Variants in TMC7 observed in about 807,000 individuals in gnomAD.
TMC7 encodes the protein transmembrane channel-like protein 7.
In TMC7, 54 loss-of-function variants were observed where a neutral mutation model predicts 82.9. That is an observed-to-expected ratio of 0.65 (90% CI 0.52 to 0.82). The LOEUF (loss-of-function observed/expected upper bound fraction) is 0.82. Among genes scored for constraint, TMC7 ranks in the 40% least tolerant of loss-of-function variants. The probability of loss-of-function intolerance (pLI) is 0.00; values close to 1 mark genes in which losing one functional copy is unlikely to be tolerated. For missense variants in TMC7, 820 were observed against 901.2 expected (o/e 0.91, Z 1.15); for synonymous variants, 350 against 337.9 (o/e 1.04, Z -0.39).
At position 19,037,942 on chromosome 16, in the gene TMC7, T is replaced by G; in HGVS notation, c.1074T>G (p.Ile358Met). Residue 358 changes from isoleucine (I) to methionine (M), a missense_variant, in exon 8 of 16, where the codon ATT (isoleucine) becomes ATG (methionine). This residue lies in a region of TMC7 where 650 missense variants were observed against 669.9 expected (regional missense o/e 0.97). Coordinates refer to ENST00000304381, the MANE Select transcript of TMC7 (RefSeq NM_024847.4). Reference sequence around the variant, plus strand: ...GGACCTCAGAAGAAACAATACGCATTTACTCTTTGAGACTGTTTTTGAACT... The same window carrying G: ...GGACCTCAGAAGAAACAATACGCATGTACTCTTTGAGACTGTTTTTGAACT... ...AERTSEETIR[I>M]YSLRLFLNCI... 1 of 1,614,168 alleles carries G rather than the reference T, an allele frequency of 6.2e-7. No individual in the cohort carries two copies. Among genetic ancestry groups the G allele is most frequent in the Non-Finnish European group, 8.5e-7 (1 of 1,180,030 alleles).
chr16:19,018,245 C>T (rs1959798418), intron 3 of TMC7, among the ~76,000 whole-genome samples: 1 of 152,202 alleles, frequency 6.6e-6, no homozygotes, highest in Non-Finnish European at 1.5e-5. Context: ...ATACTGTGAA[C>T]CCCTACTTTC....
At chr16:19,014,611 T>A (rs1412064621) in intron 2 of TMC7, among the ~76,000 whole-genome samples, 2 of 152,202 alleles carry the variant, frequency 1.3e-5, no homozygotes, top group African/African-American at 4.8e-5. Context: ...CAGCACCTTC[T>A]CTTTCCCCTG....
intron 1 of TMC7, 169 bp downstream of exon 1, chr16:18,984,299 G>C (rs996346438): frequency 4.6e-5 from 61 of 1,322,902 alleles, no homozygotes; most frequent in Admixed American, 3.3e-4. Flanking sequence ...CCTTATTCCT[G>C]CTCCCTCCAC....
At chr16:19,061,693 G>C (rs1001716968) in intron 15 of TMC7, 85 bp from the exon 16 acceptor site, 1 of 1,179,310 alleles carries the variant, frequency 8.5e-7, no homozygotes, top group Admixed American at 2.1e-5. Flanking sequence ...CCAGTGGTTA[G>C]AATCCTCAGC....
chr16:19,020,661 A>C (rs1959922515), intron 3 of TMC7, among the ~76,000 whole-genome samples: 1 of 151,978 alleles, frequency 6.6e-6, no homozygotes, highest in African/African-American at 2.4e-5. Context: ...TGAGGTCAGG[A>C]GTTCGAGACC....
intron 6 of TMC7, among the ~76,000 whole-genome samples, chr16:19,031,049 C>G (rs1477574764): frequency 6.6e-6 from 1 of 152,138 alleles, no homozygotes; most frequent in East Asian, 1.9e-4. Flanking sequence ...GGAGGAAACT[C>G]AAATTACAGG....
At chr16:19,024,800 A>C (rs190023715) in intron 5 of TMC7, among the ~76,000 whole-genome samples, 1 of 152,046 alleles carries the variant, frequency 6.6e-6, no homozygotes, top group Admixed American at 6.5e-5. Flanking sequence ...AGGTCAGAAG[A>C]TCGAGACCAT....
At chr16:19,036,246 A>T (rs536060136) in intron 7 of TMC7, among the ~76,000 whole-genome samples, 1 of 152,350 alleles carries the variant, frequency 6.6e-6, no homozygotes, top group South Asian at 2.1e-4. Flanking sequence ...GTGGTGGCTT[A>T]TGCCTGTAAT....
chr16:19,030,222 AG>A lies in TMC7; in HGVS notation c.713del. On this transcript the variant is annotated splice_acceptor_variant, in intron 5 of 15. Coordinates refer to ENST00000304381, the MANE Select transcript of TMC7 (RefSeq NM_024847.4). LOFTEE classifies it high-confidence loss of function. ...GACTTCATGCTCTTGGCTTCGTTTCAGGGTTTCCTGGAGGAAACTAGCCTCT... is the reference window on the plus strand; with the variant it reads ...GACTTCATGCTCTTGGCTTCGTTTCAGGTTTCCTGGAGGAAACTAGCCTCT... The A allele has an allele frequency of 6.2e-7, 1 of 1,609,514 alleles. No homozygotes were observed. Among genetic ancestry groups the A allele is most frequent in the Non-Finnish European group, 8.5e-7 (1 of 1,178,552 alleles).
rs369414340 is a variant in TMC7 at position 19,030,333 on chromosome 16, C to G, written c.821C>G (p.Ala274Gly). 1.2e-6 allele frequency: 2 copies of G among 1,612,778 alleles called. No individual in the cohort carries two copies. The highest frequency in any genetic ancestry group is 1.7e-6 in the Non-Finnish European group (2 of 1,179,660). ...CTGGCGTATTTGTTAAGCACAATCG[C>G]CTCCCTGGCCCTGAGCCTTCTTTGG... ...LPLAYLLSTI[A>G]SLALSLLWIV... Residue 274 changes from alanine to glycine, a missense_variant, in exon 6 of 16, where the codon GCC (alanine) becomes GGC (glycine). Ala to Gly is a moderately conservative substitution (Grantham distance 60, BLOSUM62 0). Transcript: ENST00000304381.
chr16:19,020,993 A>G (rs899767860), intron 3 of TMC7, among the ~76,000 whole-genome samples: 1 of 152,138 alleles, frequency 6.6e-6, no homozygotes, highest in East Asian at 1.9e-4. Context: ...ACCTAAATAT[A>G]CCATGTTGAT....
intron 5 of TMC7, among the ~76,000 whole-genome samples, chr16:19,023,864 C>T (rs1247938044): frequency 1.3e-5 from 2 of 152,146 alleles, no homozygotes; most frequent in Admixed American, 6.5e-5. Flanking sequence ...ACCGATAAAC[C>T]CCAACATTTT....
At chr16:19,045,829 C>T (rs1237213861) in intron 11 of TMC7, among the ~76,000 whole-genome samples, 8 of 152,070 alleles carry the variant, frequency 5.3e-5, no homozygotes, top group South Asian at 2.1e-4. Flanking sequence ...ATATCCTGAC[C>T]TCGTGATCCA....
intron 6 of TMC7, among the ~76,000 whole-genome samples, chr16:19,032,081 G>A (rs1960543307): frequency 1.3e-5 from 2 of 152,186 alleles, no homozygotes; most frequent in Non-Finnish European, 2.9e-5. Context: ...TCTGCGCCAG[G>A]GGGGTTGCTT....
intron 1 of TMC7, among the ~76,000 whole-genome samples, chr16:19,000,281 C>A (rs1264983171): frequency 6.6e-6 from 1 of 151,830 alleles, no homozygotes; most frequent in Non-Finnish European, 1.5e-5. Context: ...GCCTGGCCAG[C>A]ATGGTGAAAT....
intron 1 of TMC7, among the ~76,000 whole-genome samples, chr16:18,995,905 G>A (rs985785683): frequency 6.6e-5 from 10 of 152,160 alleles, no homozygotes; most frequent in Non-Finnish European, 1.3e-4. Context: ...ATCTAGGACA[G>A]TAAAGTGTCT....
At position 19,055,605 on chromosome 16, in the gene TMC7, G is replaced by A. The variant is rs150485554; in HGVS notation, c.1872-937G>A. ...TCTCCTGACCTCATGTGATACACCC[G>A]CCTTGGCCTCCCAAAGTGCTGGGAT... On this transcript the variant is annotated intron_variant, in intron 13 of 15. Coordinates refer to ENST00000304381, the MANE Select transcript of TMC7 (RefSeq NM_024847.4). Among the ~76,000 whole-genome samples the A allele has an allele frequency of 9.9e-3, 1,505 of 152,266 alleles. 34 individuals are homozygous for A. Among genetic ancestry groups the A allele is most frequent in the African/African-American group, 0.034 (1,415 of 41,562 alleles).
At chr16:19,032,582 T>C (rs1960566838) in intron 6 of TMC7, among the ~76,000 whole-genome samples, 1 of 151,132 alleles carries the variant, frequency 6.6e-6, no homozygotes, top group Middle Eastern at 3.2e-3. Flanking sequence ...GACACATTGC[T>C]AGAGTCTTCC....
In TMC7 at chr16:19,000,727, A is replaced by G. The variant is rs529781954; in HGVS notation, c.68-8445A>G. Among the ~76,000 whole-genome samples the G allele has an allele frequency of 3.9e-5, 6 of 152,232 alleles. No homozygotes were observed. In the South Asian group the frequency reaches 1.2e-3, roughly 32 times the overall value. Reference sequence around the variant, plus strand: ...TTTGCCAGCTTTTTTTACCCTGTAAATTATTTTTGTTCCAGGTACGGTGGC... The same window carrying G: ...TTTGCCAGCTTTTTTTACCCTGTAAGTTATTTTTGTTCCAGGTACGGTGGC... On this transcript the variant is annotated intron_variant, in intron 1 of 15. Transcript: ENST00000304381.
Sources: allele counts gnomAD v4.1 joint callset (sites outside exome capture counted in the v4.1 genomes callset), GRCh38; gene constraint gnomAD v4.1.1; regional missense constraint gnomAD v4.1.1; transcripts MANE v1.5; gene names NCBI Gene and HGNC (gene_info 2026-07-23, HGNC 2026-07-21).